Variants in SLC24A2 observed in about 807,000 individuals in gnomAD.
SLC24A2 encodes the protein solute carrier family 24 member 2.
A neutral mutation model predicts 62.0 loss-of-function variants in SLC24A2; 36 were observed. The observed-to-expected ratio is 0.58, with a 90% CI of 0.44 to 0.77. The LOEUF (loss-of-function observed/expected upper bound fraction) is 0.77. SLC24A2 is among the 30% of genes least tolerant of loss of function. The pLI is 0.00. For synonymous variants in SLC24A2, 358 were observed against 294.0 expected (o/e 1.22, Z -2.23); for missense variants, 846 against 817.9 (o/e 1.03, Z -0.42).
intron 2 of SLC24A2, among the ~76,000 whole-genome samples, chr9:19,626,232 G>T (rs1289733011): frequency 1.3e-5 from 2 of 152,132 alleles, no homozygotes; most frequent in Admixed American, 1.3e-4. Flanking sequence ...CCACATACAG[G>T]CCCCTAGTCC....
the SLC24A2 span, among the ~76,000 whole-genome samples, chr9:19,902,908 C>T: frequency 2.0e-5 from 3 of 152,136 alleles, no homozygotes; most frequent in Admixed American, 6.5e-5. Flanking sequence ...CCCTAAATCA[C>T]GTTCCCTTGC....
the SLC24A2 span, among the ~76,000 whole-genome samples, chr9:20,281,188 C>A: frequency 2.0e-5 from 3 of 152,166 alleles, no homozygotes; most frequent in Admixed American, 2.0e-4. Flanking sequence ...CCTCAGCCTC[C>A]CAAAGTGCTG....
At chr9:20,244,269 T>G in the SLC24A2 span, among the ~76,000 whole-genome samples, 1 of 152,090 alleles carries the variant, frequency 6.6e-6, no homozygotes, top group Non-Finnish European at 1.5e-5. Flanking sequence ...TAAAATGAGT[T>G]TACAAGATCC....
intron 2 of SLC24A2, among the ~76,000 whole-genome samples, chr9:19,651,836 C>T (rs939400714): frequency 6.6e-6 from 1 of 152,212 alleles, no homozygotes; most frequent in Non-Finnish European, 1.5e-5. Flanking sequence ...CTGATTCTTA[C>T]AGGTTTCTCT....
the SLC24A2 span, among the ~76,000 whole-genome samples, chr9:19,899,490 G>A: frequency 1.1e-4 from 16 of 152,248 alleles, no homozygotes; most frequent in African/African-American, 3.6e-4. Context: ...GCAAGCCTTG[G>A]TCCTCAGCTT....
At chr9:19,806,294 A>C in the SLC24A2 span, among the ~76,000 whole-genome samples, 1 of 152,152 alleles carries the variant, frequency 6.6e-6, no homozygotes, top group Non-Finnish European at 1.5e-5. Flanking sequence ...TGTGATCTTG[A>C]GTATATCCTA....
chr9:20,270,845 G>C, the SLC24A2 span, among the ~76,000 whole-genome samples: 1 of 152,160 alleles, frequency 6.6e-6, no homozygotes, highest in Non-Finnish European at 1.5e-5. Flanking sequence ...TGATGTCTTA[G>C]AATATTTTTC....
At chr9:20,100,937 G>A in the SLC24A2 span, among the ~76,000 whole-genome samples, 1 of 152,150 alleles carries the variant, frequency 6.6e-6, no homozygotes. Flanking sequence ...TCCAGAAGCA[G>A]ACTTAACAAC....
intron 2 of SLC24A2, among the ~76,000 whole-genome samples, chr9:19,669,200 G>T (rs1165751001): frequency 6.6e-6 from 1 of 152,190 alleles, no homozygotes; most frequent in Non-Finnish European, 1.5e-5. Context: ...AAGAAAAAGA[G>T]AAAGAGAGGC....
chr9:19,519,275 G>T (rs1260710584), intron 10 of SLC24A2, among the ~76,000 whole-genome samples: 4 of 152,110 alleles, frequency 2.6e-5, no homozygotes, highest in Non-Finnish European at 5.9e-5. Flanking sequence ...GAAATATATG[G>T]AAGAGAACAT....
At chr9:19,542,623 T>C (rs1834333090) in intron 8 of SLC24A2, among the ~76,000 whole-genome samples, 2 of 152,232 alleles carry the variant, frequency 1.3e-5, no homozygotes, top group Admixed American at 6.5e-5. Flanking sequence ...GTGCCTACTT[T>C]ATTGAGAATT....
the SLC24A2 span, among the ~76,000 whole-genome samples, chr9:19,898,035 TTG>T: frequency 6.6e-6 from 1 of 152,188 alleles, no homozygotes; most frequent in Admixed American, 6.5e-5. Context: ...TTTTACACAA[TTG>T]TGGAAGAGTT....
chr9:19,766,087 C>T (rs552071694), intron 2 of SLC24A2, among the ~76,000 whole-genome samples: 110 of 152,178 alleles, frequency 7.2e-4, no homozygotes, highest in African/African-American at 2.5e-3. Context: ...TTGACCAGTT[C>T]GGCTATTGAT....
the SLC24A2 span, among the ~76,000 whole-genome samples, chr9:20,307,815 C>T: frequency 6.6e-6 from 1 of 152,146 alleles, no homozygotes; most frequent in Non-Finnish European, 1.5e-5. Context: ...GGATAACATC[C>T]GCTTCTCCCA....
rs1832669036 is a variant in SLC24A2, at chr9:19,510,318, A to G, written c.*5835T>C. 1 of 152,212 alleles carries G rather than the reference A, an allele frequency of 6.6e-6. No homozygotes were observed. Among genetic ancestry groups the G allele is most frequent in the African/African-American group, 2.4e-5 (1 of 41,530 alleles). 9.4% of individuals were successfully genotyped at this position (152,212 alleles called of 1,614,324 possible). On this transcript the variant is annotated 3_prime_UTR_variant, in exon 11 of 11. Transcript: ENST00000341998. Reference sequence around the variant, plus strand: ...CTATAAAAATTATTAAGAGGGTTAAAGACTCAAATAAAAATCTAAAGATAA... The same window carrying G: ...CTATAAAAATTATTAAGAGGGTTAAGGACTCAAATAAAAATCTAAAGATAA...
At chr9:20,155,529 A>G in the SLC24A2 span, among the ~76,000 whole-genome samples, 1 of 152,004 alleles carries the variant, frequency 6.6e-6, no homozygotes, top group African/African-American at 2.4e-5. Context: ...AACAAAAAAC[A>G]GAAGCCAAGA....
chr9:20,289,389 G>C, the SLC24A2 span, among the ~76,000 whole-genome samples: 1 of 152,144 alleles, frequency 6.6e-6, no homozygotes. Context: ...TTTGTCCACA[G>C]TCATACCTTC....
At chr9:20,168,501 C>G in the SLC24A2 span, among the ~76,000 whole-genome samples, 2 of 151,642 alleles carry the variant, frequency 1.3e-5, no homozygotes, top group Non-Finnish European at 2.9e-5. Context: ...ACTCATTCAA[C>G]TCAACAAAAA....
the SLC24A2 span, among the ~76,000 whole-genome samples, chr9:19,935,248 CA>C: frequency 6.6e-6 from 1 of 151,148 alleles, no homozygotes; most frequent in Admixed American, 6.6e-5. Flanking sequence ...GTGTTAAAGA[CA>C]GGGGGGTTCT....
Sources: allele counts gnomAD v4.1 joint callset (sites outside exome capture counted in the v4.1 genomes callset), GRCh38; gene constraint gnomAD v4.1.1; transcripts MANE v1.5; gene names NCBI Gene and HGNC (gene_info 2026-07-23, HGNC 2026-07-21).